Variants in VAMP8 observed in about 807,000 individuals in gnomAD.
VAMP8 encodes vesicle associated membrane protein 8, also known as vesicle-associated membrane protein 8.
VAMP8 carries 9 observed loss-of-function variants against 11.4 expected under a neutral mutation model. The observed-to-expected ratio is 0.79, with a 90% confidence interval of 0.48 to 1.38. The LOEUF (loss-of-function observed/expected upper bound fraction) is 1.38, where lower values mean the gene tolerates loss of function less well. VAMP8 is among the 40% of genes most tolerant of loss of function. The pLI, the probability that VAMP8 is intolerant of heterozygous loss-of-function variation, is 0.00. For missense variants in VAMP8, 108 were observed against 127.8 expected (o/e 0.85, Z 0.75); for synonymous variants, 42 against 44.7 (o/e 0.94, Z 0.24).
intron 2 of VAMP8, chr2:85,579,878 T>C: frequency 6.4e-7 from 1 of 1,550,448 alleles, no homozygotes; most frequent in Non-Finnish European, 8.7e-7. Context: ...CTCTTGGGTA[T>C]TGCTCCCTTG....
At chr2:85,581,191 C>G (rs1054093766) in intron 2 of VAMP8, among the ~76,000 whole-genome samples, 3 of 150,944 alleles carry the variant, frequency 2.0e-5, no homozygotes, top group Non-Finnish European at 3.0e-5. Flanking sequence ...AAAAAACAAA[C>G]AAACAAGGCC....
Position 85,579,658 on chromosome 2 carries a change from T to G in VAMP8, c.162+491T>G, listed in dbSNP as rs563556538. ...AAGGGGGAAAGAGCAGTGAAATGCTTTGATCCCAGGGTCCCCTGCTAGATG... is the reference window on the plus strand; with the variant it reads ...AAGGGGGAAAGAGCAGTGAAATGCTGTGATCCCAGGGTCCCCTGCTAGATG... On this transcript the variant is annotated intron_variant, in intron 2 of 2. Coordinates refer to ENST00000263864, the MANE Select transcript of VAMP8 (RefSeq NM_003761.5). 6.4e-5 allele frequency: 96 copies of G among 1,500,230 alleles called. 2 individuals are homozygous for G. The South Asian group carries it at 1.2e-3, about 19-fold the overall frequency. The allele number at this position is 1,500,230 out of a possible 1,614,324, so 92.9% of individuals were successfully genotyped here.
intron 2 of VAMP8, chr2:85,579,730 C>T: frequency 6.5e-7 from 1 of 1,550,324 alleles, no homozygotes; most frequent in Non-Finnish European, 8.7e-7. Flanking sequence ...CCTCATTCTT[C>T]TCTCTCTCCA....
intron 2 of VAMP8, chr2:85,579,782 C>A (rs1434926131): frequency 1.7e-5 from 26 of 1,550,576 alleles, no homozygotes; most frequent in Non-Finnish European, 2.1e-5. Flanking sequence ...GAAGTAACTC[C>A]AAAGTTGAGC....
rs746524228 is a variant in VAMP8, at chr2:85,579,203, CAG to C, written c.162+37_162+38del. Reference sequence around the variant, plus strand: ...GAGCCCACTGGGGGCTGGAGGAAAACAGGGAGGGAGGGAATTTCTTTTTGGTG... The same window carrying C: ...GAGCCCACTGGGGGCTGGAGGAAAACGGAGGGAGGGAATTTCTTTTTGGTG... On this transcript the variant is annotated intron_variant, in intron 2 of 2. Coordinates refer to ENST00000263864, the MANE Select transcript of VAMP8 (RefSeq NM_003761.5). 15 of 1,527,346 alleles carry C rather than the reference CAG, an allele frequency of 9.8e-6. No individual in the cohort carries two copies. In the African/African-American group the frequency reaches 1.9e-4, roughly 20 times the overall value. 94.6% of individuals were successfully genotyped at this position (1,527,346 alleles called of 1,614,324 possible).
At chr2:85,580,141 G>A (rs1034077265) in intron 2 of VAMP8, among the ~76,000 whole-genome samples, 6 of 152,016 alleles carry the variant, frequency 3.9e-5, no homozygotes, top group Non-Finnish European at 5.9e-5. Flanking sequence ...TAGTAGAGAC[G>A]AAGTTTTGCC....
chr2:85,581,049 G>C (rs1024442295), intron 2 of VAMP8, among the ~76,000 whole-genome samples: 14 of 152,168 alleles, frequency 9.2e-5, no homozygotes, highest in African/African-American at 3.4e-4. Flanking sequence ...GAACGTGGTG[G>C]CATGTGCCTG....
chr2:85,578,490 TG>T (rs1672317447), intron 1 of VAMP8, among the ~76,000 whole-genome samples: 1 of 152,146 alleles, frequency 6.6e-6, no homozygotes, highest in Non-Finnish European at 1.5e-5. Flanking sequence ...GTCACAGCAA[TG>T]GCATTGCGGC....
At chr2:85,579,297 A>T in intron 2 of VAMP8, 130 bp downstream of exon 2, 1 of 1,053,288 alleles carries the variant, frequency 9.5e-7, no homozygotes, top group Non-Finnish European at 1.3e-6. Flanking sequence ...TTGGGAGCTG[A>T]TGTGAGCTGA....
chr2:85,581,163 A>G (rs1244363827), intron 2 of VAMP8, among the ~76,000 whole-genome samples: 1 of 152,028 alleles, frequency 6.6e-6, no homozygotes, highest in Non-Finnish European at 1.5e-5. Context: ...CCTGGGTGAC[A>G]CAGCCAGACA....
intron 2 of VAMP8, among the ~76,000 whole-genome samples, chr2:85,580,869 A>G (rs1033339059): frequency 6.6e-5 from 10 of 151,432 alleles, no homozygotes; most frequent in African/African-American, 2.4e-4. Flanking sequence ...GGGTTTCACA[A>G]TGTTGGCTAG....
In VAMP8 at chr2:85,579,139, G is replaced by A. The variant is rs771333013; in HGVS notation, c.134G>A (p.Arg45His). The A allele has an allele frequency of 1.2e-5, 20 of 1,605,144 alleles. No homozygotes were observed. The highest frequency in any genetic ancestry group is 1.6e-5 in the Non-Finnish European group (19 of 1,174,516). Residue 45 changes from arginine (R) to histidine (H), a missense_variant, in exon 2 of 3, where the codon CGC becomes CAC. Coordinates refer to ENST00000263864, the MANE Select transcript of VAMP8 (RefSeq NM_003761.5). ...CGGGGGGAAAACTTGGAACATCTCCGCAACAAGACAGAGGATCTGGAAGCC... is the reference window on the plus strand; with the variant it reads ...CGGGGGGAAAACTTGGAACATCTCCACAACAAGACAGAGGATCTGGAAGCC... ...LARGENLEHL[R>H]NKTEDLEATS...
intron 2 of VAMP8, among the ~76,000 whole-genome samples, chr2:85,581,027 A>G (rs937552957): frequency 1.3e-5 from 2 of 152,044 alleles, no homozygotes; most frequent in Non-Finnish European, 2.9e-5. Flanking sequence ...ATTAAGATGT[A>G]TGGCTTGAGC....
intron 2 of VAMP8, chr2:85,579,956 GA>G (rs368912301): frequency 1.5e-6 from 2 of 1,303,720 alleles, no homozygotes; most frequent in Non-Finnish European, 2.0e-6. Flanking sequence ...ATGGCCCCGG[GA>G]ATTTTTTTTT....
intron 1 of VAMP8, among the ~76,000 whole-genome samples, chr2:85,578,364 C>T (rs565869839): frequency 6.6e-6 from 1 of 152,234 alleles, no homozygotes; most frequent in East Asian, 1.9e-4. Context: ...TTAATATCTG[C>T]ATAAGCAGGC....
chr2:85,577,601 C>T lies in VAMP8; in HGVS notation c.-46C>T, dbSNP rs374942403. The stretch of plus-strand genomic sequence containing the variant: ...ACTGAGGGCCACCCTGGGAGGAAGC[C>T]GACTAGGCGAATTCACTTACTGACC... On this transcript the variant is annotated 5_prime_UTR_variant, in exon 1 of 3. Transcript: ENST00000263864. 4.6e-5 allele frequency: 72 copies of T among 1,551,536 alleles called. No individual in the cohort carries two copies. Among genetic ancestry groups the T allele is most frequent in the Admixed American group, 5.9e-5 (3 of 50,940 alleles).
chr2:85,581,486 A>G lies in VAMP8; in HGVS notation c.163-90A>G, dbSNP rs1388341016. 5.5e-6 allele frequency: 8 copies of G among 1,442,240 alleles called. No individual in the cohort carries two copies. The East Asian group carries it at 7.1e-5, about 13-fold the overall frequency. 89.3% of individuals were successfully genotyped at this position (1,442,240 alleles called of 1,614,324 possible). On this transcript the variant is annotated intron_variant, in intron 2 of 2. Transcript: ENST00000263864. ...GACTCCATCTCAAAAAAAAAAAAAAAGTATGGCCTGTGGGCTGCACTTGTA... is the reference window on the plus strand; with the variant it reads ...GACTCCATCTCAAAAAAAAAAAAAAGGTATGGCCTGTGGGCTGCACTTGTA...
chr2:85,577,690 G>A (rs1672303208), intron 1 of VAMP8, 41 bp downstream of exon 1: 14 of 1,551,170 alleles, frequency 9.0e-6, no homozygotes, highest in Non-Finnish European at 1.2e-5. Context: ...GTTTAAAGAG[G>A]AGCCAGAGGG....
At chr2:85,577,961 G>A (rs1437013874) in intron 1 of VAMP8, among the ~76,000 whole-genome samples, 2 of 152,200 alleles carry the variant, frequency 1.3e-5, no homozygotes, top group Non-Finnish European at 2.9e-5. Context: ...CAGGGAGCCC[G>A]AGGCGGGTGT....
Sources: allele counts gnomAD v4.1 joint callset (sites outside exome capture counted in the v4.1 genomes callset), GRCh38; gene constraint gnomAD v4.1.1; transcripts MANE v1.5; gene names NCBI Gene and HGNC (gene_info 2026-07-23, HGNC 2026-07-21).